The following RFC5 variants were observed in gnomAD, a reference collection of about 807,000 sequenced individuals.
The protein encoded by RFC5 is A1 36 kDa subunit.
A neutral mutation model predicts 44.3 loss-of-function variants in RFC5; 26 were observed. The ratio of observed to expected loss-of-function variants is 0.59; its 90% confidence interval spans 0.43 to 0.81. RFC5 has a LOEUF of 0.81. Among genes scored for constraint, RFC5 ranks in the 40% least tolerant of loss-of-function variants. The probability of loss-of-function intolerance (pLI) is 0.00; values close to 1 mark genes in which losing one functional copy is unlikely to be tolerated. For synonymous variants in RFC5, 155 were observed against 155.2 expected (o/e 1.00, Z 0.01); for missense variants, 328 against 418.6 (o/e 0.78, Z 1.89).
At position 118,021,464 on chromosome 12, in the gene RFC5, C is replaced by T. The variant is rs5745822; in HGVS notation, c.347+479C>T. Among the ~76,000 whole-genome samples the T allele has an allele frequency of 5.8e-3, 876 of 152,150 alleles. 6 individuals carry two copies. Among genetic ancestry groups the T allele is most frequent in the Non-Finnish European group, 8.5e-3 (580 of 67,982 alleles). On this transcript the variant is annotated intron_variant, in intron 4 of 10. Transcript: ENST00000454402. ...CTGAGCTCAAGCAATCTGCCCGCCG[C>T]AGCCTCCCAAACTGCTGGGATTACA...
Position 118,022,331 on chromosome 12 carries a change from TCAGGACGCCCAGAATGC to T in RFC5, c.395_411del (p.Gln132LeufsTer6). 6.2e-7 allele frequency: 1 copy of T among 1,613,976 alleles called. No individual in the cohort carries two copies. Among genetic ancestry groups the T allele is most frequent in the East Asian group, 2.2e-5 (1 of 44,874 alleles). ...TCTTGGATGAAGCAGACGCCATGAC[TCAGGACGCCCAGAATGC>T]CTTGAGAAGAGGTAAGCAGAGGCAC... On this transcript the variant is annotated frameshift_variant, in exon 5 of 11. Transcript: ENST00000454402. LOFTEE classifies it high-confidence loss of function.
intron 4 of RFC5, among the ~76,000 whole-genome samples, chr12:118,021,802 C>G (rs904835294): frequency 2.6e-5 from 4 of 151,902 alleles, no homozygotes; most frequent in Non-Finnish European, 5.9e-5. Flanking sequence ...ACTAAAAATA[C>G]AAAAATTATC....
chr12:118,026,476 G>A (rs191877250), intron 7 of RFC5, among the ~76,000 whole-genome samples: 1 of 152,214 alleles, frequency 6.6e-6, no homozygotes, highest in Admixed American at 6.5e-5. Context: ...GTGCACACCT[G>A]TAGTCCCATC....
downstream of RFC5, chr12:118,035,266 A>C (rs949618959): frequency 6.2e-6 from 10 of 1,614,090 alleles, no homozygotes; most frequent in East Asian, 6.7e-5. Context: ...AAGCACACAG[A>C]TCTCAGTGAG....
At chr12:118,029,874 T>G (rs925238543) in intron 10 of RFC5, 49 bp downstream of exon 10, 11 of 1,322,118 alleles carry the variant, frequency 8.3e-6, no homozygotes, top group Non-Finnish European at 1.2e-5. Context: ...TTTTTTCCCC[T>G]GTTGTGAGTT....
intron 6 of RFC5, chr12:118,025,452 C>A: frequency 2.7e-6 from 1 of 377,348 alleles, no homozygotes; most frequent in Non-Finnish European, 4.8e-6. Context: ...ATGGCTTGTG[C>A]CAGGCCTCTG....
chr12:118,041,025 G>A, the RFC5 span, among the ~76,000 whole-genome samples: 3 of 152,204 alleles, frequency 2.0e-5, no homozygotes, highest in African/African-American at 7.2e-5. Flanking sequence ...CTCCAGCCTG[G>A]GTGACACAGT....
downstream of RFC5, chr12:118,034,584 T>TCTCTCTCTCTCTCTCTCTCTC: frequency 3.8e-6 from 2 of 521,410 alleles, no homozygotes; most frequent in Non-Finnish European, 3.3e-6. Flanking sequence ...GCTCTCTCTG[T>TCTCTCTCTCTCTCTCTCTCTC]CTCTCTCTCG....
chr12:118,039,744 A>T, the RFC5 span, among the ~76,000 whole-genome samples: 1 of 150,986 alleles, frequency 6.6e-6, no homozygotes, highest in African/African-American at 2.4e-5. Context: ...TTTCTTTTTT[A>T]TTTTTTTTTA....
chr12:118,034,596 C>T, downstream of RFC5: 1 of 424,366 alleles, frequency 2.4e-6, no homozygotes, highest in Non-Finnish European at 4.1e-6. Context: ...TCTCTCTCGG[C>T]ACAGCCCTTT....
At chr12:118,034,573 C>T (rs1243101199), downstream of RFC5, 7 of 554,736 alleles carry the variant, frequency 1.3e-5, no homozygotes, top group African/African-American at 6.4e-5. Flanking sequence ...GATACCAAAG[C>T]GCTCTCTCTG....
chr12:118,029,104 T>C (rs2031150421), intron 9 of RFC5, among the ~76,000 whole-genome samples: 1 of 152,222 alleles, frequency 6.6e-6, no homozygotes, highest in Non-Finnish European at 1.5e-5. Context: ...CTTTAAAAAA[T>C]CAGTTGTTTG....
At chr12:118,022,621 C>T (rs193081823) in intron 5 of RFC5, among the ~76,000 whole-genome samples, 62 of 152,072 alleles carry the variant, frequency 4.1e-4, no homozygotes, top group African/African-American at 1.4e-3. Context: ...TGCACCACCA[C>T]ACCCGGCTGA....
At chr12:118,022,036 G>A (rs556777277) in intron 4 of RFC5, among the ~76,000 whole-genome samples, 1 of 152,292 alleles carries the variant, frequency 6.6e-6, no homozygotes, top group African/African-American at 2.4e-5. Context: ...GTGCCATGTG[G>A]AGGAAAGTGA....
intron 9 of RFC5, among the ~76,000 whole-genome samples, chr12:118,029,567 A>G (rs2031178265): frequency 6.6e-6 from 1 of 152,136 alleles, no homozygotes; most frequent in African/African-American, 2.4e-5. Context: ...CTTTTTGTCT[A>G]CCCTATAAAG....
At chr12:118,023,434 G>A (rs1258855206) in intron 5 of RFC5, among the ~76,000 whole-genome samples, 34 of 66,334 alleles carry the variant, frequency 5.1e-4, no homozygotes, top group African/African-American at 1.6e-3. Context: ...GGAGGAAGAG[G>A]AGGGGGTGAG....
intron 5 of RFC5, 115 bp downstream of exon 5, chr12:118,022,474 T>C (rs2030580595): frequency 1.4e-6 from 1 of 735,122 alleles, no homozygotes; most frequent in Non-Finnish European, 2.3e-6. Flanking sequence ...AGTTTTTTTT[T>C]CTTTTTTTGA....
At chr12:118,023,443 A>G (rs1480762536) in intron 5 of RFC5, among the ~76,000 whole-genome samples, 2 of 47,102 alleles carry the variant, frequency 4.2e-5, no homozygotes, top group Non-Finnish European at 7.8e-5. Context: ...GGAGGGGGTG[A>G]GGAGGAGGAG....
At chr12:118,041,194 C>G in the RFC5 span, among the ~76,000 whole-genome samples, 2 of 152,190 alleles carry the variant, frequency 1.3e-5, no homozygotes, top group African/African-American at 4.8e-5. Context: ...CCCTAATCCC[C>G]AATGTGATGG....
Sources: allele counts gnomAD v4.1 joint callset (sites outside exome capture counted in the v4.1 genomes callset), GRCh38; gene constraint gnomAD v4.1.1; transcripts MANE v1.5; gene names NCBI Gene and HGNC (gene_info 2026-07-23, HGNC 2026-07-21).